The following PCM1 variants were observed in gnomAD, a reference collection of about 807,000 sequenced individuals.
PCM1 encodes pericentriolar material 1.
In PCM1, 157 loss-of-function variants were observed where a neutral mutation model predicts 241.9. The observed-to-expected ratio is 0.65, with a 90% CI of 0.57 to 0.74. The LOEUF (loss-of-function observed/expected upper bound fraction) is 0.74, where lower values mean the gene tolerates loss of function less well. PCM1 is among the 30% of genes least tolerant of loss of function. PCM1 has a pLI of 0.00. For synonymous variants in PCM1, 1,085 were observed against 784.9 expected (o/e 1.38, Z -6.39); for missense variants, 3,478 against 2,360.1 (o/e 1.47, Z -9.81).
At chr8:18,001,963 T>C (rs992017153) in intron 29 of PCM1, among the ~76,000 whole-genome samples, 5 of 145,664 alleles carry the variant, frequency 3.4e-5, no homozygotes, top group Admixed American at 2.8e-4. Context: ...CTAAATGGCC[T>C]TACTATCCTT....
intron 29 of PCM1, among the ~76,000 whole-genome samples, chr8:17,999,794 T>C (rs1051342612): frequency 2.0e-5 from 3 of 152,146 alleles, no homozygotes; most frequent in Non-Finnish European, 4.4e-5. Flanking sequence ...AAGGGGAAGA[T>C]GATTGGTGGA....
intron 26 of PCM1, among the ~76,000 whole-genome samples, chr8:17,986,980 G>C (rs1217217723): frequency 6.6e-6 from 1 of 151,754 alleles, no homozygotes; most frequent in African/African-American, 2.4e-5. Flanking sequence ...TTCAGATACA[G>C]TAATTTCTGA....
chr8:17,978,243 A>G (rs1440188660), intron 23 of PCM1, among the ~76,000 whole-genome samples: 1 of 152,148 alleles, frequency 6.6e-6, no homozygotes, highest in East Asian at 1.9e-4. Flanking sequence ...GATAAAATCA[A>G]GAGAAGACGA....
chr8:17,939,199 A>G (rs950652294), intron 5 of PCM1, among the ~76,000 whole-genome samples, 190 bp downstream of exon 5: 1 of 152,222 alleles, frequency 6.6e-6, no homozygotes. Flanking sequence ...AAAATATTTT[A>G]GAAATGGCAT....
intron 36 of PCM1, among the ~76,000 whole-genome samples, chr8:18,015,350 G>A (rs1350706120): frequency 1.3e-5 from 2 of 151,680 alleles, no homozygotes; most frequent in African/African-American, 4.8e-5. Context: ...GCAGAGGAAA[G>A]CAAAAACCTT....
intron 15 of PCM1, among the ~76,000 whole-genome samples, chr8:17,961,129 G>C (rs1426490052): frequency 1.3e-5 from 2 of 152,044 alleles, no homozygotes; most frequent in East Asian, 1.9e-4. Flanking sequence ...GAAAATAACT[G>C]TATGTGGTTT....
chr8:17,965,099 G>A (rs187735037), intron 18 of PCM1, among the ~76,000 whole-genome samples: 7 of 152,224 alleles, frequency 4.6e-5, no homozygotes, highest in East Asian at 1.9e-4. Flanking sequence ...ACTTACTTAC[G>A]TTTCCTCATT....
chr8:17,942,249 C>T (rs1399446248), intron 6 of PCM1, among the ~76,000 whole-genome samples: 1 of 152,030 alleles, frequency 6.6e-6, no homozygotes, highest in African/African-American at 2.4e-5. Flanking sequence ...GGCGGATCAC[C>T]TGAGGTCAGG....
chr8:17,959,624 A>G (rs894453257), intron 13 of PCM1, among the ~76,000 whole-genome samples: 5 of 151,904 alleles, frequency 3.3e-5, no homozygotes, highest in Admixed American at 3.3e-4. Flanking sequence ...TTATATTTCT[A>G]TATGTATAGA....
chr8:17,959,276 TTAAG>T (rs2070428476), intron 13 of PCM1, among the ~76,000 whole-genome samples: 1 of 151,686 alleles, frequency 6.6e-6, no homozygotes, highest in Non-Finnish European at 1.5e-5. Context: ...TTATAAGTAA[TTAAG>T]AAACACAAAT....
intron 29 of PCM1, among the ~76,000 whole-genome samples, chr8:17,997,010 C>G (rs190983191): frequency 6.6e-6 from 1 of 152,108 alleles, no homozygotes; most frequent in Admixed American, 6.5e-5. Context: ...TACCTTCAGA[C>G]GATATCTTAC....
At chr8:17,965,582 CA>C (rs1429969967) in intron 18 of PCM1, among the ~76,000 whole-genome samples, 2 of 152,160 alleles carry the variant, frequency 1.3e-5, no homozygotes, top group East Asian at 3.9e-4. Flanking sequence ...AGTCTGCCAA[CA>C]AAGATGTTAT....
At chr8:18,024,477 T>C (rs1177945481) in intron 36 of PCM1, among the ~76,000 whole-genome samples, 4 of 152,216 alleles carry the variant, frequency 2.6e-5, no homozygotes, top group Non-Finnish European at 5.9e-5. Flanking sequence ...TCTAACTCTT[T>C]TGTTTGCCTC....
At chr8:17,982,547 T>G (rs1280509086) in intron 24 of PCM1, 1 of 152,000 alleles carries the variant, frequency 6.6e-6, no homozygotes, top group Non-Finnish European at 1.5e-5. Context: ...CAGGCTGGAG[T>G]GCAGTGGTGC....
In PCM1 at chr8:18,029,116, C is replaced by G. The variant is rs887300284; in HGVS notation, c.*1454C>G. 2.3e-5 allele frequency: 4 copies of G among 170,788 alleles called. No homozygotes were observed. Among genetic ancestry groups the G allele is most frequent in the Non-Finnish European group, 4.9e-5 (4 of 82,284 alleles). 10.6% of individuals were successfully genotyped at this position (170,788 alleles called of 1,614,324 possible). On this transcript the variant is annotated 3_prime_UTR_variant, in exon 39 of 39. Transcript: ENST00000325083. Reference sequence around the variant, plus strand: ...CAGGTTGCAGTGAGCCGAGATCATGCCACTGCACTCCAGCCTGGCAACAGA... The same window carrying G: ...CAGGTTGCAGTGAGCCGAGATCATGGCACTGCACTCCAGCCTGGCAACAGA...
chr8:17,990,626 C>T (rs74680445), intron 27 of PCM1, among the ~76,000 whole-genome samples: 8,350 of 151,916 alleles, frequency 0.055, 790 homozygotes, highest in African/African-American at 0.19. Flanking sequence ...ATACTTGATA[C>T]GTTTCTAGAC....
At chr8:17,977,217 A>G (rs958077850) in intron 23 of PCM1, among the ~76,000 whole-genome samples, 4 of 152,020 alleles carry the variant, frequency 2.6e-5, no homozygotes, top group Admixed American at 2.0e-4. Flanking sequence ...TGGCACTCAT[A>G]CTCTTTATTG....
chr8:18,013,438 G>A (rs959505696), intron 34 of PCM1, among the ~76,000 whole-genome samples: 2 of 152,088 alleles, frequency 1.3e-5, no homozygotes, highest in Non-Finnish European at 2.9e-5. Context: ...AATATAATCT[G>A]CCATTTTCTG....
At position 17,939,766 on chromosome 8, in the gene PCM1, A is replaced by T. The variant is rs933067324; in HGVS notation, c.688A>T (p.Asn230Tyr). 9 of 1,553,368 alleles carry T rather than the reference A, an allele frequency of 5.8e-6. No homozygotes were observed. The East Asian group carries it at 2.1e-4, about 37-fold the overall frequency. The change falls in exon 6 of 39, where the codon AAT (asparagine) becomes TAT (tyrosine). Residue 230 changes from asparagine (N) to tyrosine (Y), a missense_variant. Transcript: ENST00000325083. ...CATGCGGGAAGATCTTGTAGAGAAA[A>T]ATGAGAGATCTGCTAATGTTGAGCG... ...SSMREDLVEK[N>Y]ERSANVERLT...
Sources: allele counts gnomAD v4.1 joint callset (sites outside exome capture counted in the v4.1 genomes callset), GRCh38; gene constraint gnomAD v4.1.1; transcripts MANE v1.5; gene names NCBI Gene and HGNC (gene_info 2026-07-23, HGNC 2026-07-21).